Variants in NR4A3 observed in about 807,000 individuals in gnomAD.
The protein encoded by NR4A3 is chondrosarcoma, extraskeletal myxoid, fused to EWS.
NR4A3 carries 13 observed loss-of-function variants against 55.6 expected under a neutral mutation model. That is an observed-to-expected ratio of 0.23 (90% confidence interval 0.15 to 0.37). The LOEUF is 0.37. NR4A3 is among the 10% of genes least tolerant of loss of function. NR4A3 has a pLI of 1.00. For synonymous variants in NR4A3, 342 were observed against 357.9 expected, an observed-to-expected ratio of 0.96 and a Z score of 0.50; for missense variants, 646 against 822.8, an observed-to-expected ratio of 0.79 and a Z score of 2.63.
rs1013438053 is a variant in NR4A3 at position 99,837,857 on chromosome 9, G to A, written c.1254+4403G>A. ...TGTTTTAATCTTCATGTACTAGCATGTGTTCCTTTAAGGTAGTAAGTGAGC... is the reference window on the plus strand; with the variant it reads ...TGTTTTAATCTTCATGTACTAGCATATGTTCCTTTAAGGTAGTAAGTGAGC... On this transcript the variant is annotated intron_variant, in intron 5 of 7. Transcript: ENST00000395097. Among the ~76,000 whole-genome samples the A allele has an allele frequency of 2.6e-5, 4 of 152,218 alleles. No homozygotes were observed. The East Asian group carries it at 7.7e-4, about 29-fold the overall frequency.
At chr9:99,843,952 C>T (rs1827705056) in intron 5 of NR4A3, among the ~76,000 whole-genome samples, 1 of 152,120 alleles carries the variant, frequency 6.6e-6, no homozygotes, top group African/African-American at 2.4e-5. Context: ...TGGGGTTTCA[C>T]CATGTTGGCC....
chr9:99,833,793 T>C, intron 5 of NR4A3: 1 of 1,319,778 alleles, frequency 7.6e-7, no homozygotes, highest in Non-Finnish European at 9.7e-7. Flanking sequence ...GTGACTACTG[T>C]TTTTTTTCAT....
chr9:99,860,911 A>G (rs1827998464), intron 7 of NR4A3, among the ~76,000 whole-genome samples: 1 of 152,236 alleles, frequency 6.6e-6, no homozygotes, highest in Non-Finnish European at 1.5e-5. Context: ...ACAATAATCC[A>G]TGGAGTTGGG....
intron 6 of NR4A3, 69 bp downstream of exon 6, chr9:99,844,917 T>C: frequency 8.3e-7 from 1 of 1,205,348 alleles, no homozygotes; most frequent in East Asian, 2.4e-5. Context: ...TGTTTGTAAC[T>C]GAATCATTGG....
chr9:99,833,680 T>C (rs1827492656), intron 5 of NR4A3: 3 of 1,571,086 alleles, frequency 1.9e-6, no homozygotes, highest in Non-Finnish European at 2.6e-6. Context: ...CTGACAGTGC[T>C]GCACCTGTCA....
At chr9:99,862,469 G>A (rs1217588899) in intron 7 of NR4A3, among the ~76,000 whole-genome samples, 7 of 149,450 alleles carry the variant, frequency 4.7e-5, no homozygotes, top group African/African-American at 1.2e-4. Flanking sequence ...CGCTTGAATC[G>A]GGGTGGAGGA....
chr9:99,839,307 A>G (rs927502732), intron 5 of NR4A3, among the ~76,000 whole-genome samples: 1 of 152,246 alleles, frequency 6.6e-6, no homozygotes, highest in African/African-American at 2.4e-5. Context: ...CACATCTAAA[A>G]TTTTTAGAGC....
chr9:99,836,866 G>C (rs1010259518), intron 5 of NR4A3, among the ~76,000 whole-genome samples: 3 of 152,156 alleles, frequency 2.0e-5, no homozygotes, highest in African/African-American at 4.8e-5. Flanking sequence ...ATTCTCACCA[G>C]CATTTATTTT....
At position 99,828,722 on chromosome 9, in the gene NR4A3, C is replaced by G; in HGVS notation, c.680C>G (p.Ala227Gly). The change falls in exon 3 of 8, where the codon GCC becomes GGC. Residue 227 changes from alanine to glycine, a missense_variant. Around this residue, in one of 5 missense-constraint regions of NR4A3, gnomAD observed 426 missense variants for 429.4 expected, o/e 0.99. Transcript: ENST00000395097. The surrounding 1 kb of genome is among the most constrained non-coding windows in gnomAD (Gnocchi z 7.7). ...AAAALSLPLG[A>G]AAAAGSQAAA... ...GCCGCGCTCAGCCTGCCGCTGGGAG[C>G]CGCAGCCGCCGCGGGCAGCCAGGCC... is the stretch of plus-strand genomic sequence containing the variant. The G allele has an allele frequency of 7.7e-7, 1 of 1,303,772 alleles. No individual in the cohort carries two copies. Among genetic ancestry groups the G allele is most frequent in the Non-Finnish European group, 9.7e-7 (1 of 1,030,302 alleles). The allele number at this position is 1,303,772 out of a possible 1,614,324, so 80.8% of individuals were successfully genotyped here. A position where few individuals can be genotyped will look rare whatever the true frequency, so the allele number is the denominator to read the frequency against.
At chr9:99,859,989 A>C (rs1287043715) in intron 7 of NR4A3, among the ~76,000 whole-genome samples, 4 of 152,222 alleles carry the variant, frequency 2.6e-5, no homozygotes, top group Admixed American at 2.6e-4. Flanking sequence ...TATAGCATTC[A>C]AGGGCTTCAC....
At chr9:99,857,756 A>AAATAAAT (rs950734629) in intron 7 of NR4A3, among the ~76,000 whole-genome samples, 7 of 41,412 alleles carry the variant, frequency 1.7e-4, no homozygotes, top group African/African-American at 7.5e-4. Flanking sequence ...TCTGTCTCAC[A>AAATAAAT]AATAAATAAA....
intron 7 of NR4A3, among the ~76,000 whole-genome samples, chr9:99,850,432 C>T (rs2118132517): frequency 6.6e-6 from 1 of 152,276 alleles, no homozygotes; most frequent in East Asian, 1.9e-4. Flanking sequence ...CAGGAAGACC[C>T]AACCTGGAGA....
At position 99,825,075 on chromosome 9, in the gene NR4A3, T is replaced by C. The variant is rs547610441; in HGVS notation, c.-176-584T>C. ...CCTGGCCCTCGAAACTCGCGGCTAA[T>C]AGAAGCGAAGCTCCATTAGCATTTA... On this transcript the variant is annotated intron_variant, in intron 1 of 7. Coordinates refer to ENST00000395097, the MANE Select transcript of NR4A3 (RefSeq NM_006981.4). This position sits in a 1 kb window ranked among gnomAD's most constrained non-coding sequence, Gnocchi z 5.0. Among the ~76,000 whole-genome samples, 124 of 152,296 alleles carry C rather than the reference T, an allele frequency of 8.1e-4. 2 individuals are homozygous for C. Among genetic ancestry groups the C allele is most frequent in the Non-Finnish European group, 8.7e-4 (59 of 68,036 alleles).
chr9:99,852,973 T>C (rs1204256735), intron 7 of NR4A3, among the ~76,000 whole-genome samples: 3 of 152,138 alleles, frequency 2.0e-5, no homozygotes, highest in Admixed American at 6.6e-5. Flanking sequence ...GGCAAAATAG[T>C]TAAAAACAAA....
intron 5 of NR4A3, among the ~76,000 whole-genome samples, chr9:99,837,767 G>A (rs1264485179): frequency 6.6e-6 from 1 of 152,152 alleles, no homozygotes; most frequent in African/African-American, 2.4e-5. Flanking sequence ...ATTTATTAAA[G>A]ATGCTAGCTT....
chr9:99,841,593 T>C (rs1442040160), intron 5 of NR4A3, among the ~76,000 whole-genome samples: 1 of 152,224 alleles, frequency 6.6e-6, no homozygotes, highest in African/African-American at 2.4e-5. Context: ...CCTTTACATA[T>C]GTTATCACAT....
intron 7 of NR4A3, among the ~76,000 whole-genome samples, chr9:99,856,832 C>T (rs1454246454): frequency 6.6e-6 from 1 of 152,156 alleles, no homozygotes; most frequent in Non-Finnish European, 1.5e-5. Context: ...AGCAAGTTCC[C>T]CAGTGATGCT....
Position 99,825,228 on chromosome 9 carries a change from CT to C in NR4A3, c.-176-425del, listed in dbSNP as rs746952506. Among the ~76,000 whole-genome samples the C allele has an allele frequency of 6.6e-6, 1 of 152,106 alleles. No individual in the cohort carries two copies. The highest frequency in any genetic ancestry group is 6.5e-5 in the Admixed American group (1 of 15,272). On this transcript the variant is annotated intron_variant, in intron 1 of 7. Transcript: ENST00000395097. This position sits in a 1 kb window ranked among gnomAD's most constrained non-coding sequence, Gnocchi z 5.0. ...GGGGGCGGGCGGAGCTGGAAAATGG[CT>C]TTTTTCCGCTGGTGAACACTCACTG...
intron 5 of NR4A3, among the ~76,000 whole-genome samples, chr9:99,842,905 T>G (rs943609816): frequency 1.3e-5 from 2 of 152,180 alleles, no homozygotes; most frequent in Admixed American, 1.3e-4. Flanking sequence ...AAAATAAAGA[T>G]TAAAATCCCT....
Sources: allele counts gnomAD v4.1 joint callset (sites outside exome capture counted in the v4.1 genomes callset), GRCh38; gene constraint gnomAD v4.1.1; regional missense constraint gnomAD v4.1.1; non-coding constraint Gnocchi (gnomAD v3.1); transcripts MANE v1.5; gene names NCBI Gene and HGNC (gene_info 2026-07-23, HGNC 2026-07-21).